The following ZNF267 variants were observed in gnomAD, a reference collection of about 807,000 sequenced individuals.
The protein encoded by ZNF267 is zinc finger (C2H2).
In ZNF267, 61 loss-of-function variants were observed where a neutral mutation model predicts 71.6. That is an observed-to-expected ratio of 0.85 (90% confidence interval 0.69 to 1.05). The LOEUF is 1.05. Among genes scored for constraint, ZNF267 ranks in the 50% least tolerant of loss-of-function variants. The pLI, the probability that ZNF267 is intolerant of heterozygous loss-of-function variation, is 0.00. For missense variants in ZNF267, 852 were observed against 870.0 expected (o/e 0.98, Z 0.26); for synonymous variants, 288 against 293.2 (o/e 0.98, Z 0.18).
chr16:31,909,497 G>A (rs1301932090), intron 3 of ZNF267, among the ~76,000 whole-genome samples: 1 of 151,994 alleles, frequency 6.6e-6, no homozygotes, highest in East Asian at 1.9e-4. Context: ...CACTTCTTTG[G>A]TTAAGTTAAT....
chr16:31,904,929 GT>G (rs759408790), intron 3 of ZNF267, among the ~76,000 whole-genome samples: 1 of 152,190 alleles, frequency 6.6e-6, no homozygotes, highest in Non-Finnish European at 1.5e-5. Context: ...GGTACCGGTT[GT>G]TCCTTTCCAT....
In ZNF267 at chr16:31,916,026, G is replaced by C. The variant is rs200612081; in HGVS notation, c.1777G>C (p.Val593Leu). Reference sequence around the variant, plus strand: ...TTTTAGTGACTCCTCAGGTCTTACTGTGCATCGGCGAACTCATACTGGAGA... The same window carrying C: ...TTTTAGTGACTCCTCAGGTCTTACTCTGCATCGGCGAACTCATACTGGAGA... The part of the protein sequence containing the change: ...KSFSDSSGLT[V>L]HRRTHTGEKP... Residue 593 changes from valine to leucine, a missense_variant, in exon 4 of 4, where the codon GTG becomes CTG. Physicochemically the swap from Val to Leu is conservative, Grantham distance 32. Transcript: ENST00000300870. The C allele has an allele frequency of 4.3e-6, 7 of 1,613,690 alleles. No individual in the cohort carries two copies. Among genetic ancestry groups the C allele is most frequent in the Non-Finnish European group, 5.9e-6 (7 of 1,179,940 alleles).
At chr16:31,897,608 G>A (rs4257221) in intron 3 of ZNF267, among the ~76,000 whole-genome samples, 1 of 151,964 alleles carries the variant, frequency 6.6e-6, no homozygotes, top group Admixed American at 6.6e-5. Flanking sequence ...AGATATTTTA[G>A]AATATTTTAA....
At chr16:31,898,953 T>A (rs533060275) in intron 3 of ZNF267, among the ~76,000 whole-genome samples, 1 of 152,254 alleles carries the variant, frequency 6.6e-6, no homozygotes, top group South Asian at 2.1e-4. Context: ...CATTACATAA[T>A]GGTAAAGGGA....
intron 1 of ZNF267, chr16:31,875,141 A>G: frequency 7.8e-7 from 1 of 1,289,120 alleles, no homozygotes; most frequent in Admixed American, 2.3e-5. Flanking sequence ...TTTGCTTTGG[A>G]AACTTTACAG....
chr16:31,892,889 A>T (rs914424972), intron 3 of ZNF267, among the ~76,000 whole-genome samples: 7 of 152,150 alleles, frequency 4.6e-5, no homozygotes, highest in African/African-American at 1.4e-4. Context: ...CAGCTTTTTC[A>T]GGTGTCCAGT....
chr16:31,874,071 C>T (rs2083834123), intron 1 of ZNF267, 102 bp downstream of exon 1: 1 of 1,368,146 alleles, frequency 7.3e-7, no homozygotes, highest in Non-Finnish European at 1.0e-6. Flanking sequence ...CAGTCAGCCT[C>T]GGGGTCTGGG....
intron 1 of ZNF267, among the ~76,000 whole-genome samples, chr16:31,874,685 T>C (rs183841084): frequency 6.6e-6 from 1 of 152,334 alleles, no homozygotes; most frequent in African/African-American, 2.4e-5. Context: ...CTATAACCAC[T>C]TCCGTATAAT....
intron 3 of ZNF267, among the ~76,000 whole-genome samples, chr16:31,902,096 A>G (rs1041997757): frequency 1.3e-5 from 2 of 152,120 alleles, no homozygotes; most frequent in African/African-American, 4.8e-5. Context: ...CAAAGATCGG[A>G]TGGTTGTAGA....
intron 3 of ZNF267, among the ~76,000 whole-genome samples, chr16:31,899,707 A>G (rs543382013): frequency 6.6e-6 from 1 of 152,322 alleles, no homozygotes; most frequent in African/African-American, 2.4e-5. Context: ...GTTTAGGAAC[A>G]GGAAGTCTGC....
intron 3 of ZNF267, among the ~76,000 whole-genome samples, chr16:31,905,556 CCTTT>C (rs1173716716): frequency 3.3e-5 from 5 of 152,216 alleles, no homozygotes; most frequent in Admixed American, 6.5e-5. Flanking sequence ...TCACTGGTAC[CCTTT>C]CTTCCAGTTG....
At chr16:31,903,795 G>A (rs1461199648) in intron 3 of ZNF267, among the ~76,000 whole-genome samples, 1 of 152,014 alleles carries the variant, frequency 6.6e-6, no homozygotes, top group Non-Finnish European at 1.5e-5. Context: ...CTTCAGTTCT[G>A]CTCTGATCTT....
Position 31,916,048 on chromosome 16 carries a change from G to A in ZNF267, c.1799G>A (p.Gly600Glu). 1 of 1,614,048 alleles carries A rather than the reference G, an allele frequency of 6.2e-7. No homozygotes were observed. The highest frequency in any genetic ancestry group is 8.5e-7 in the Non-Finnish European group (1 of 1,180,016). ...GLTVHRRTHT[G>E]EKPYTCKECG... ...ACTGTGCATCGGCGAACTCATACTG[G>A]AGAGAAACCCTATACATGTAAAGAA... The change falls in exon 4 of 4, where the codon GGA becomes GAA. Residue 600 changes from glycine (G) to glutamate (E), a missense_variant. By Grantham distance (98) the Gly-to-Glu change is moderately conservative (BLOSUM62 -2). Transcript: ENST00000300870.
intron 3 of ZNF267, among the ~76,000 whole-genome samples, chr16:31,900,007 C>G (rs2084026659): frequency 6.6e-6 from 1 of 151,810 alleles, no homozygotes; most frequent in Admixed American, 6.6e-5. Context: ...TACACACACA[C>G]ACACATACAC....
chr16:31,904,939 A>G (rs1168660608), intron 3 of ZNF267, among the ~76,000 whole-genome samples: 1 of 151,982 alleles, frequency 6.6e-6, no homozygotes, highest in Non-Finnish European at 1.5e-5. Flanking sequence ...GTTCCTTTCC[A>G]TGTTTAGTGC....
intron 3 of ZNF267, among the ~76,000 whole-genome samples, chr16:31,901,374 A>G (rs1284032292): frequency 3.3e-5 from 5 of 152,240 alleles, no homozygotes; most frequent in Non-Finnish European, 7.3e-5. Flanking sequence ...AGGAATCGCC[A>G]CACCAACTTT....
rs61740916 is a variant in ZNF267, at chr16:31,885,240, A to G, written c.210A>G (p.Thr70=). The change falls in exon 3 of 4, where the codon ACA becomes ACG. Residue 70 remains threonine, a synonymous_variant. Transcript: ENST00000300870. ...CTTGGAATGTGAAGAGTGAGGAGAC[A>G]GTAGCCATCCAGCCAGGTAGGTGGG... ...KEPWNVKSEE[T]VAIQPDVFSH... is the part of the protein sequence containing the mutation. 7.5e-3 allele frequency: 12,055 copies of G among 1,607,580 alleles called. 60 individuals are homozygous for G. Among genetic ancestry groups the G allele is most frequent in the Non-Finnish European group, 8.0e-3 (9,429 of 1,176,676 alleles).
chr16:31,891,700 C>T (rs1043114448), intron 3 of ZNF267, among the ~76,000 whole-genome samples: 4 of 152,202 alleles, frequency 2.6e-5, no homozygotes, highest in African/African-American at 9.6e-5. Context: ...GTGCCTTTCA[C>T]CTTCCACCAT....
chr16:31,878,872 C>T (rs2083870898), intron 1 of ZNF267, among the ~76,000 whole-genome samples: 1 of 152,188 alleles, frequency 6.6e-6, no homozygotes, highest in South Asian at 2.1e-4. Context: ...CTAGATCTGG[C>T]TGTTGTAAGA....
Sources: gnomAD v4.1 joint callset for allele counts (sites outside exome capture counted in the v4.1 genomes callset) on GRCh38, gnomAD v4.1.1 for gene constraint, MANE v1.5 for transcripts, NCBI Gene and HGNC (gene_info 2026-07-23, HGNC 2026-07-21) for gene names.